ERMP1: variants seen among roughly 807,000 people sequenced by gnomAD.
ERMP1 encodes endoplasmic reticulum metallopeptidase 1.
In ERMP1, 86 loss-of-function variants were observed where a neutral mutation model predicts 92.0. That is an observed-to-expected ratio of 0.93 (90% CI 0.79 to 1.12). The LOEUF (loss-of-function observed/expected upper bound fraction) is 1.12. ERMP1 is among the 50% of genes most tolerant of loss of function. The pLI, the probability that ERMP1 is intolerant of heterozygous loss-of-function variation, is 0.00. For missense variants in ERMP1, 1,342 were observed against 1,116.3 expected, an observed-to-expected ratio of 1.20 and a Z score of -2.88; for synonymous variants, 530 against 412.8, an observed-to-expected ratio of 1.28 and a Z score of -3.44.
At chr9:5,854,038 G>T (rs1830342121) in intron 6 of ERMP1, among the ~76,000 whole-genome samples, 1 of 151,912 alleles carries the variant, frequency 6.6e-6, no homozygotes, top group Admixed American at 6.6e-5. Flanking sequence ...GTTAGACCTG[G>T]AGCTTATATA....
At chr9:5,806,864 C>CT (rs1273443434) in intron 8 of ERMP1, among the ~76,000 whole-genome samples, 15 of 152,122 alleles carry the variant, frequency 9.9e-5, no homozygotes. Context: ...AAAGTTTCTC[C>CT]TTCTTCAAGG....
At chr9:5,803,164 CA>C (rs1324727683) in intron 10 of ERMP1, among the ~76,000 whole-genome samples, 1 of 152,148 alleles carries the variant, frequency 6.6e-6, no homozygotes, top group Non-Finnish European at 1.5e-5. Context: ...CATTGTGGTT[CA>C]ATTCTCCATT....
chr9:5,787,680 T>G, intron 13 of ERMP1, 87 bp from the exon 14 acceptor site: 1 of 1,339,162 alleles, frequency 7.5e-7, no homozygotes, highest in South Asian at 1.4e-5. Flanking sequence ...TTCATAAAGG[T>G]TCATGCCTGC....
chr9:5,825,653 T>G (rs1157339468), intron 2 of ERMP1, among the ~76,000 whole-genome samples: 1 of 152,228 alleles, frequency 6.6e-6, no homozygotes, highest in Non-Finnish European at 1.5e-5. Context: ...CTTTCTTGCT[T>G]GTTTTCCTGC....
intron 5 of ERMP1, among the ~76,000 whole-genome samples, chr9:5,864,949 C>T (rs1418743): frequency 0.95 from 144,185 of 152,274 alleles, 68,675 homozygotes; most frequent in East Asian, 1. Context: ...TGTGACTCAA[C>T]AATATTTCTT....
Position 5,832,929 on chromosome 9 carries a change from G to T in ERMP1, c.99C>A (p.Ala33=). 1 of 1,561,778 alleles carries T rather than the reference G, an allele frequency of 6.4e-7. No individual in the cohort carries two copies. The highest frequency in any genetic ancestry group is 8.6e-7 in the Non-Finnish European group (1 of 1,165,130). Residue 33 remains alanine (A), a synonymous_variant, in exon 1 of 15, where the codon GCC becomes GCA. Coordinates refer to ENST00000339450, the MANE Select transcript of ERMP1 (RefSeq NM_024896.3). ...AAAAPPPERE[A]RAQEPLVDGC... ...CATCCACCAGAGGCTCCTGCGCTCG[G>T]GCCTCCCTCTCCGGCGGTGGCGCGG...
At chr9:5,791,811 G>A (rs958005186) in intron 13 of ERMP1, among the ~76,000 whole-genome samples, 2 of 152,108 alleles carry the variant, frequency 1.3e-5, no homozygotes, top group Non-Finnish European at 2.9e-5. Flanking sequence ...TGATTATACT[G>A]GATGCCAAGA....
chr9:5,859,774 C>T (rs10732197), intron 5 of ERMP1, among the ~76,000 whole-genome samples: 85,317 of 152,028 alleles, frequency 0.56, 25,077 homozygotes, highest in South Asian at 0.69. Context: ...ATGCTTACTA[C>T]AGAGACGTAC....
rs571513789 is a variant in ERMP1, at chr9:5,801,233, T to C, written c.2010A>G (p.Thr670=). ...CAGGATTGGAGCTATATGGAAAAAA[T>C]GTTCCACTGCAAACAAGGAGGAATG... The part of the protein sequence containing the change: ...AITFLLVCSG[T]FFPYSSNPAN... Residue 670 remains threonine (T), a synonymous_variant, in exon 11 of 15, where the codon ACA becomes ACG. Transcript: ENST00000339450. 2.5e-5 allele frequency: 41 copies of C among 1,613,770 alleles called. No individual in the cohort carries two copies. Among genetic ancestry groups the C allele is most frequent in the African/African-American group, 4.0e-5 (3 of 74,906 alleles).
intron 5 of ERMP1, among the ~76,000 whole-genome samples, chr9:5,860,020 T>C (rs1292419505): frequency 7.2e-5 from 11 of 152,122 alleles, no homozygotes; most frequent in Non-Finnish European, 1.2e-4. Context: ...AAAGCATTGG[T>C]CAGGCACAGT....
intron 5 of ERMP1, among the ~76,000 whole-genome samples, chr9:5,812,504 A>C (rs915136607): frequency 6.6e-6 from 1 of 152,186 alleles, no homozygotes; most frequent in African/African-American, 2.4e-5. Context: ...AGGTCATGAA[A>C]ATTTTGCCAC....
intron 13 of ERMP1, among the ~76,000 whole-genome samples, chr9:5,789,282 T>C (rs757661917): frequency 2.3e-4 from 35 of 152,026 alleles, no homozygotes; most frequent in East Asian, 3.9e-4. Flanking sequence ...AAAAGTTTGA[T>C]CAAATAACTT....
intron 6 of ERMP1, among the ~76,000 whole-genome samples, chr9:5,838,814 G>A (rs78011447): frequency 1.3e-5 from 2 of 151,144 alleles, no homozygotes; most frequent in Non-Finnish European, 1.5e-5. Context: ...AAAAAAAAAA[G>A]ACACAAAATG....
intron 6 of ERMP1, among the ~76,000 whole-genome samples, chr9:5,840,110 C>T (rs757483962): frequency 5.3e-5 from 8 of 152,128 alleles, no homozygotes; most frequent in East Asian, 3.9e-4. Context: ...GGCGTGGTGG[C>T]GCAGGCCTGT....
At chr9:5,858,480 T>C (rs914514319) in intron 6 of ERMP1, among the ~76,000 whole-genome samples, 1 of 152,158 alleles carries the variant, frequency 6.6e-6, no homozygotes, top group African/African-American at 2.4e-5. Context: ...CAGGGGTTCC[T>C]ATCATCCCTC....
chr9:5,837,633 A>G (rs1014494662), upstream of ERMP1, among the ~76,000 whole-genome samples: 5 of 152,186 alleles, frequency 3.3e-5, no homozygotes, highest in African/African-American at 9.7e-5. Flanking sequence ...AGGGGATAAT[A>G]TGTGTTATAT....
At chr9:5,789,566 A>T (rs576892070) in intron 13 of ERMP1, among the ~76,000 whole-genome samples, 1 of 152,338 alleles carries the variant, frequency 6.6e-6, no homozygotes, top group South Asian at 2.1e-4. Context: ...TTTTCCTGAG[A>T]CAGGGTCTTG....
At chr9:5,816,472 A>G (rs1829309726) in intron 4 of ERMP1, among the ~76,000 whole-genome samples, 1 of 152,212 alleles carries the variant, frequency 6.6e-6, no homozygotes, top group Non-Finnish European at 1.5e-5. Context: ...TTGGTTGGAA[A>G]GTATTATCTT....
At chr9:5,824,944 A>T in intron 3 of ERMP1, 148 bp downstream of exon 3, 1 of 700,070 alleles carries the variant, frequency 1.4e-6, no homozygotes, top group Non-Finnish European at 2.3e-6. Flanking sequence ...TTGTTAAAGT[A>T]CTGCTCATAA....
Sources: allele counts gnomAD v4.1 joint callset (sites outside exome capture counted in the v4.1 genomes callset), GRCh38; gene constraint gnomAD v4.1.1; transcripts MANE v1.5; gene names NCBI Gene and HGNC (gene_info 2026-07-23, HGNC 2026-07-21).